The following SLC2A1 variants were observed in gnomAD, a reference collection of about 807,000 sequenced individuals.
SLC2A1 encodes the protein solute carrier family 2 member 1.
In SLC2A1, 4 loss-of-function variants were observed where a neutral mutation model predicts 46.6. The observed-to-expected ratio is 0.09, with a 90% CI of 0.04 to 0.20. SLC2A1 has a LOEUF of 0.20. Ranked by LOEUF, SLC2A1 falls within the 10% of genes least tolerant of loss-of-function variation. The pLI is 1.00. For missense variants in SLC2A1, 352 were observed against 667.0 expected, an observed-to-expected ratio of 0.53 and a Z score of 5.20; for synonymous variants, 253 against 270.0, an observed-to-expected ratio of 0.94 and a Z score of 0.62.
chr1:42,927,033 G>A lies in SLC2A1; in HGVS notation c.*8C>T. On this transcript the variant is annotated 3_prime_UTR_variant, in exon 10 of 10. Coordinates refer to ENST00000426263, the MANE Select transcript of SLC2A1 (RefSeq NM_006516.4). The surrounding 1 kb of genome is among the most constrained non-coding windows in gnomAD (Gnocchi z 5.3). ...TGGGAGCAGGCCGGGCTGGTGATCT[G>A]GGGCGACTCACACTTGGGAATCAGC... 1 of 1,613,014 alleles carries A rather than the reference G, an allele frequency of 6.2e-7. No homozygotes were observed. Among genetic ancestry groups the A allele is most frequent in the Non-Finnish European group, 8.5e-7 (1 of 1,179,076 alleles).
At chr1:42,949,316 G>A (rs554106163) in intron 1 of SLC2A1, among the ~76,000 whole-genome samples, 1 of 152,182 alleles carries the variant, frequency 6.6e-6, no homozygotes, top group Non-Finnish European at 1.5e-5. Flanking sequence ...GCAGACTGCT[G>A]TAACATCGGC....
At chr1:42,942,933 T>C in intron 2 of SLC2A1, 2 of 473,184 alleles carry the variant, frequency 4.2e-6, no homozygotes, top group South Asian at 4.2e-5. Context: ...GAGTTTATTA[T>C]ATCATCAAAC....
chr1:42,938,973 C>G (rs928870564), intron 2 of SLC2A1, among the ~76,000 whole-genome samples: 11 of 152,272 alleles, frequency 7.2e-5, no homozygotes, highest in Non-Finnish European at 1.6e-4. Flanking sequence ...CTGGCTCAGA[C>G]TGTGTCTCAG....
chr1:42,933,210 AAC>A (rs1024500920), intron 2 of SLC2A1, among the ~76,000 whole-genome samples: 81 of 152,292 alleles, frequency 5.3e-4, no homozygotes, highest in African/African-American at 1.6e-3. Context: ...GCAGACCACT[AAC>A]AGAGTCTCCC....
intron 2 of SLC2A1, among the ~76,000 whole-genome samples, chr1:42,931,867 G>C (rs1460768549): frequency 6.6e-6 from 1 of 150,594 alleles, no homozygotes; most frequent in Admixed American, 6.6e-5. Context: ...GAAGGAAAAG[G>C]GTCTTCCCAC....
intron 1 of SLC2A1, among the ~76,000 whole-genome samples, chr1:42,953,909 T>C (rs2124473508): frequency 6.6e-6 from 1 of 152,296 alleles, no homozygotes; most frequent in East Asian, 1.9e-4. Context: ...AAAGGGTCTT[T>C]CCACTTAAAA....
chr1:42,936,377 C>G (rs1291976091), intron 2 of SLC2A1, among the ~76,000 whole-genome samples: 1 of 152,212 alleles, frequency 6.6e-6, no homozygotes, highest in African/African-American at 2.4e-5. Context: ...TGGCCCCACA[C>G]TGCCCTTCCC....
chr1:42,928,936 A>C lies in SLC2A1; in HGVS notation c.1070T>G (p.Leu357Arg). The C allele has an allele frequency of 6.2e-7, 1 of 1,613,454 alleles. No homozygotes were observed. The highest frequency in any genetic ancestry group is 1.1e-5 in the South Asian group (1 of 91,074). ...CAILMTIALA[L>R]LEQLPWMSYL... ...CTCCAGAACCTAGCAACTCACCAGC[A>C]GTGCTAGCGCGATGGTCATGAGTAT... Residue 357 changes from leucine to arginine, a missense_variant, in exon 8 of 10, where the codon CTG (leucine) becomes CGG (arginine). This residue lies in a region of SLC2A1 where 167 missense variants were observed against 280.8 expected (regional missense o/e 0.59). Coordinates refer to ENST00000426263, the MANE Select transcript of SLC2A1 (RefSeq NM_006516.4).
In SLC2A1 at chr1:42,927,829, G is replaced by T; in HGVS notation, c.1075-21C>A. The T allele has an allele frequency of 1.3e-6, 2 of 1,587,588 alleles. No individual in the cohort carries two copies. The highest frequency in any genetic ancestry group is 2.3e-5 in the East Asian group (1 of 44,382). On this transcript the variant is annotated intron_variant, in intron 8 of 9. Coordinates refer to ENST00000426263, the MANE Select transcript of SLC2A1 (RefSeq NM_006516.4). This position sits in a 1 kb window ranked among gnomAD's most constrained non-coding sequence, Gnocchi z 5.3. ...TGCTCCTGTTGAGGATGACGGAGAG[G>T]GGGAAAAGTTAGACTGGGTTGTGAT... is the stretch of plus-strand genomic sequence containing the variant.
chr1:42,950,838 G>T (rs1643712616), intron 1 of SLC2A1, among the ~76,000 whole-genome samples: 1 of 152,120 alleles, frequency 6.6e-6, no homozygotes, highest in African/African-American at 2.4e-5. Context: ...GCTGGGCGTG[G>T]GGGGCGCGCG....
At chr1:42,945,398 G>A (rs771074188) in intron 1 of SLC2A1, among the ~76,000 whole-genome samples, 1 of 150,996 alleles carries the variant, frequency 6.6e-6, no homozygotes, top group Non-Finnish European at 1.5e-5. Context: ...CAAAAACAGA[G>A]CAGTGTGTAT....
At position 42,929,703 on chromosome 1, in the gene SLC2A1, G is replaced by C. The variant is rs1451575059; in HGVS notation, c.757C>G (p.Arg253Gly). ...TCCAGGATGGTGACCTTCTTCTCCC[G>C]CATCATCTGCCGACTCTCTTCCTTC... ...EMKEESRQMM[R>G]EKKVTILELF... Residue 253 changes from arginine (R) to glycine (G), a missense_variant, in exon 6 of 10, where the codon CGG (arginine) becomes GGG (glycine). This residue lies in a region of SLC2A1 where 167 missense variants were observed against 280.8 expected (regional missense o/e 0.59). Coordinates refer to ENST00000426263, the MANE Select transcript of SLC2A1 (RefSeq NM_006516.4). This position sits in a 1 kb window ranked among gnomAD's most constrained non-coding sequence, Gnocchi z 6.0. 2 of 1,613,826 alleles carry C rather than the reference G, an allele frequency of 1.2e-6. No homozygotes were observed. Among genetic ancestry groups the C allele is most frequent in the South Asian group, 1.1e-5 (1 of 91,080 alleles).
At chr1:42,943,140 T>C (rs1643614816) in intron 2 of SLC2A1, 86 bp downstream of exon 2, 1 of 887,314 alleles carries the variant, frequency 1.1e-6, no homozygotes, top group African/African-American at 1.7e-5. Context: ...TGACTCTAAT[T>C]CAGGTGGTGG....
chr1:42,945,262 C>T (rs1035946161), intron 1 of SLC2A1, among the ~76,000 whole-genome samples: 3 of 152,056 alleles, frequency 2.0e-5, no homozygotes, highest in African/African-American at 2.4e-5. Flanking sequence ...TTTAAGAAAA[C>T]GTGGCATAGT....
At chr1:42,947,565 T>C (rs1643669368) in intron 1 of SLC2A1, among the ~76,000 whole-genome samples, 1 of 89,724 alleles carries the variant, frequency 1.1e-5, no homozygotes, top group Admixed American at 1.3e-4. Flanking sequence ...CTACTAAAAT[T>C]ACACACACAC....
intron 1 of SLC2A1, among the ~76,000 whole-genome samples, chr1:42,945,301 T>TC (rs1467016901): frequency 6.6e-6 from 1 of 152,082 alleles, no homozygotes; most frequent in African/African-American, 2.4e-5. Context: ...ACCTGGGAGT[T>TC]CGAGGCCGCA....
At chr1:42,933,293 C>A (rs1570595507) in intron 2 of SLC2A1, among the ~76,000 whole-genome samples, 1 of 152,188 alleles carries the variant, frequency 6.6e-6, no homozygotes, top group Admixed American at 6.5e-5. Flanking sequence ...ACCTACCACA[C>A]CTTTGCACTC....
intron 2 of SLC2A1, among the ~76,000 whole-genome samples, chr1:42,934,825 A>G (rs1643526177): frequency 6.6e-6 from 1 of 152,104 alleles, no homozygotes; most frequent in Non-Finnish European, 1.5e-5. Context: ...ACATCCATCC[A>G]TCACCAGGTC....
Position 42,943,114 on chromosome 1 carries a change from A to G in SLC2A1, c.114+112T>C, listed in dbSNP as rs1422417459. 2.6e-5 allele frequency: 20 copies of G among 757,542 alleles called. No homozygotes were observed. In the East Asian group the frequency reaches 5.1e-4, roughly 19 times the overall value. The allele number at this position is 757,542 out of a possible 1,614,324, so 46.9% of individuals were successfully genotyped here. A position where few individuals can be genotyped will look rare whatever the true frequency, so the allele number is the denominator to read the frequency against. On this transcript the variant is annotated intron_variant, in intron 2 of 9. Transcript: ENST00000426263. Reference sequence around the variant, plus strand: ...AACTGGCTGGAGAGGCAGACAGTACAGTGCGTTCATATAAATGACTCTAAT... The same window carrying G: ...AACTGGCTGGAGAGGCAGACAGTACGGTGCGTTCATATAAATGACTCTAAT...
Sources: gnomAD v4.1 joint callset for allele counts (sites outside exome capture counted in the v4.1 genomes callset) on GRCh38, gnomAD v4.1.1 for gene constraint, gnomAD v4.1.1 regional missense constraint, Gnocchi (gnomAD v3.1) non-coding constraint, MANE v1.5 for transcripts, NCBI Gene and HGNC (gene_info 2026-07-23, HGNC 2026-07-21) for gene names.